RUNX1: variants seen among roughly 807,000 people sequenced by gnomAD.
RUNX1 encodes RUNX family transcription factor 1.
In RUNX1, 19 loss-of-function variants were observed where a neutral mutation model predicts 42.8. The ratio of observed to expected loss-of-function variants is 0.44; its 90% CI spans 0.31 to 0.65. The LOEUF is 0.65. Ranked by LOEUF, RUNX1 falls within the 30% of genes least tolerant of loss-of-function variation. The pLI is 0.07. For synonymous variants in RUNX1, 271 were observed against 289.4 expected, an observed-to-expected ratio of 0.94 and a Z score of 0.64; for missense variants, 528 against 672.0, an observed-to-expected ratio of 0.79 and a Z score of 2.37.
At chr21:35,047,557 ACACACTCTCTCT>A (rs1449469281) in intron 2 of RUNX1, among the ~76,000 whole-genome samples, 50 of 75,796 alleles carry the variant, frequency 6.6e-4, no homozygotes, top group African/African-American at 2.3e-3. Flanking sequence ...ACACACACAC[ACACACTCTCTCT>A]CTCTCTCTCT....
chr21:34,819,547 C>T (rs147260835), intron 7 of RUNX1, among the ~76,000 whole-genome samples: 1 of 152,254 alleles, frequency 6.6e-6, no homozygotes, highest in East Asian at 1.9e-4. Flanking sequence ...CATTTGGTCT[C>T]TGCAAATTCC....
chr21:34,887,248 G>C, intron 3 of RUNX1, 152 bp from the exon 4 acceptor site: 1 of 627,840 alleles, frequency 1.6e-6, no homozygotes, highest in Non-Finnish European at 2.4e-6. Flanking sequence ...GGGGTGGGGG[G>C]GGGCGGGGGT....
At chr21:34,951,393 T>C (rs1325589594) in intron 2 of RUNX1, among the ~76,000 whole-genome samples, 1 of 152,218 alleles carries the variant, frequency 6.6e-6, no homozygotes, top group East Asian at 1.9e-4. Flanking sequence ...AATTTTGGCT[T>C]TTGTTGCCAT....
intron 2 of RUNX1, among the ~76,000 whole-genome samples, chr21:34,904,976 GGAAAGAAGAAA>G (rs1275433208): frequency 1.4e-5 from 2 of 146,384 alleles, no homozygotes; most frequent in Non-Finnish European, 3.0e-5. Context: ...CTTCTAAGGA[GGAAAGAAGAAA>G]ACTTTACCAA....
intron 2 of RUNX1, among the ~76,000 whole-genome samples, chr21:35,032,116 T>C (rs374289219): frequency 1.8e-4 from 27 of 152,316 alleles, no homozygotes; most frequent in African/African-American, 6.5e-4. Flanking sequence ...ACAGATTGTT[T>C]GACACATGCC....
intron 2 of RUNX1, among the ~76,000 whole-genome samples, chr21:34,961,820 C>A (rs1187698325): frequency 6.6e-6 from 1 of 152,170 alleles, no homozygotes; most frequent in Non-Finnish European, 1.5e-5. Context: ...AATTATGTCT[C>A]TGAATTAGTG....
chr21:34,998,653 T>C (rs997965687), intron 2 of RUNX1, among the ~76,000 whole-genome samples: 5 of 152,186 alleles, frequency 3.3e-5, no homozygotes, highest in Non-Finnish European at 7.3e-5. Context: ...GCCATTCTCC[T>C]GCCTCAGCCT....
At chr21:35,018,477 T>C (rs1006559825) in intron 2 of RUNX1, among the ~76,000 whole-genome samples, 5 of 152,212 alleles carry the variant, frequency 3.3e-5, no homozygotes, top group African/African-American at 9.6e-5. Flanking sequence ...TAAATTTCTG[T>C]TGCTTGAGTC....
chr21:35,012,081 T>C (rs766076570), intron 2 of RUNX1, among the ~76,000 whole-genome samples: 2 of 152,220 alleles, frequency 1.3e-5, no homozygotes, highest in Non-Finnish European at 2.9e-5. Flanking sequence ...TTTTAAAAAA[T>C]AGTTGACTAA....
intron 2 of RUNX1, among the ~76,000 whole-genome samples, chr21:34,970,709 G>C (rs748533560): frequency 9.9e-5 from 15 of 152,276 alleles, no homozygotes; most frequent in Non-Finnish European, 1.9e-4. Context: ...CTAACCTTGT[G>C]AGGCAGGCAC....
intron 7 of RUNX1, among the ~76,000 whole-genome samples, chr21:34,822,496 G>A (rs998837968): frequency 4.6e-5 from 7 of 152,186 alleles, no homozygotes; most frequent in Admixed American, 6.5e-5. Context: ...ATTTTAAAAC[G>A]GGGAAGTGGG....
At chr21:34,913,305 G>C (rs968091208) in intron 2 of RUNX1, among the ~76,000 whole-genome samples, 5 of 152,174 alleles carry the variant, frequency 3.3e-5, no homozygotes, top group Non-Finnish European at 7.4e-5. Flanking sequence ...GTGGCTTTGC[G>C]TAGACTTTTC....
At position 34,907,647 on chromosome 21, in the gene RUNX1, T is replaced by C. The variant is rs1240734122; in HGVS notation, c.59-14684A>G. On this transcript the variant is annotated intron_variant, in intron 2 of 8. Transcript: ENST00000675419. The surrounding 1 kb of genome is among the most constrained non-coding windows in gnomAD (Gnocchi z 5.3). ...CCTTTCTGTGCCTCCGCTTCCACCT[T>C]TGCCAAGTCTAAAATCATGCCATGT... Among the ~76,000 whole-genome samples the C allele has an allele frequency of 6.6e-6, 1 of 152,178 alleles. No homozygotes were observed. Among genetic ancestry groups the C allele is most frequent in the East Asian group, 1.9e-4 (1 of 5,196 alleles).
chr21:35,047,153 C>T lies in RUNX1; in HGVS notation c.58+1689G>A, dbSNP rs187081543. On this transcript the variant is annotated intron_variant, in intron 2 of 8. Transcript: ENST00000675419. Reference sequence around the variant, plus strand: ...TTAAAAATTTCCTGAATCTGCCTTCCTGAGTTGATAAAATAGGAAACAATA... The same window carrying T: ...TTAAAAATTTCCTGAATCTGCCTTCTTGAGTTGATAAAATAGGAAACAATA... Among the ~76,000 whole-genome samples the T allele has an allele frequency of 1.6e-4, 25 of 152,274 alleles. 1 individual carries two copies. In the South Asian group the frequency reaches 3.7e-3, roughly 23 times the overall value.
At chr21:34,920,450 G>T (rs1404672687) in intron 2 of RUNX1, among the ~76,000 whole-genome samples, 1 of 152,144 alleles carries the variant, frequency 6.6e-6, no homozygotes, top group Non-Finnish European at 1.5e-5. Context: ...AAATTTACCA[G>T]TTTCAGACCA....
At chr21:34,897,874 GA>G (rs1275006753) in intron 2 of RUNX1, among the ~76,000 whole-genome samples, 1 of 152,114 alleles carries the variant, frequency 6.6e-6, no homozygotes, top group Non-Finnish European at 1.5e-5. Flanking sequence ...GAAAAAAAGA[GA>G]TTTTTTTTTG....
At position 34,926,369 on chromosome 21, in the gene RUNX1, C is replaced by G. The variant is rs115069844; in HGVS notation, c.59-33406G>C. On this transcript the variant is annotated intron_variant, in intron 2 of 8. Transcript: ENST00000675419. ...ACATGCCTGTCAGCTACTCAGGAGG[C>G]TGAGACAGGAGGATCCCTTGAACCC... Among the ~76,000 whole-genome samples the G allele has an allele frequency of 8.1e-3, 1,098 of 135,904 alleles. 17 individuals carry two copies. Among genetic ancestry groups the G allele is most frequent in the African/African-American group, 0.028 (1,030 of 37,376 alleles). 89.2% of individuals were successfully genotyped at this position (135,904 alleles called of 152,430 possible). A position where few individuals can be genotyped will look rare whatever the true frequency, so the allele number is the denominator to read the frequency against.
chr21:34,910,414 T>C (rs2058262939), intron 2 of RUNX1, among the ~76,000 whole-genome samples: 1 of 52,610 alleles, frequency 1.9e-5, no homozygotes, highest in Admixed American at 2.4e-4. Context: ...GAATTCATTT[T>C]GGCTTCTGGG....
At chr21:34,859,708 A>T in intron 5 of RUNX1, 130 bp from the exon 6 acceptor site, 1 of 820,708 alleles carries the variant, frequency 1.2e-6, no homozygotes. Context: ...ACACTCCCGG[A>T]ATTTTGGCTT....
Sources: gnomAD v4.1 joint callset for allele counts (sites outside exome capture counted in the v4.1 genomes callset) on GRCh38, gnomAD v4.1.1 for gene constraint, Gnocchi (gnomAD v3.1) non-coding constraint, MANE v1.5 for transcripts, NCBI Gene and HGNC (gene_info 2026-07-23, HGNC 2026-07-21) for gene names.